Variants in FARP2 observed in about 807,000 individuals in gnomAD.
FARP2 encodes FERM, ARH/RhoGEF and pleckstrin domain protein 2.
FARP2 carries 111 observed loss-of-function variants against 130.5 expected under a neutral mutation model. The ratio of observed to expected loss-of-function variants is 0.85; its 90% CI spans 0.73 to 1.00. The LOEUF is 1.00. Among genes scored for constraint, FARP2 ranks in the 50% least tolerant of loss-of-function variants. The pLI, the probability that FARP2 is intolerant of heterozygous loss-of-function variation, is 0.00. For missense variants in FARP2, 1,385 were observed against 1,346.3 expected, an observed-to-expected ratio of 1.03 and a Z score of -0.45; for synonymous variants, 504 against 516.9, an observed-to-expected ratio of 0.98 and a Z score of 0.34.
rs2062583292 is a variant in FARP2, at chr2:241,413,557, A to G, written c.623+136A>G. ...CATTGCTCCTGGCCTCAGGATGTGC[A>G]GCTGCTGCCAGAGGCAGCTTGGCAG... On this transcript the variant is annotated intron_variant, in intron 7 of 26. Coordinates refer to ENST00000264042, the MANE Select transcript of FARP2 (RefSeq NM_014808.4). 3 of 657,812 alleles carry G rather than the reference A, an allele frequency of 4.6e-6. No homozygotes were observed. In the South Asian group the frequency reaches 5.8e-5, roughly 13 times the overall value. The allele number at this position is 657,812 out of a possible 1,614,324, so 40.7% of individuals were successfully genotyped here. A position where few individuals can be genotyped will look rare whatever the true frequency, so the allele number is the denominator to read the frequency against.
chr2:241,428,311 T>C (rs1195143717), intron 8 of FARP2, among the ~76,000 whole-genome samples: 2 of 149,168 alleles, frequency 1.3e-5, no homozygotes, highest in East Asian at 4.0e-4. Context: ...CTCTGCTCAC[T>C]GCAACCTGCG....
In FARP2 at chr2:241,367,174, C is replaced by T. The variant is rs552548168; in HGVS notation, c.-24-5910C>T. Reference sequence around the variant, plus strand: ...CTGGAGAAGTGTGTGCAGATGAGTTCTGCAGCACCCTTCTCCCCAAGCTTC... The same window carrying T: ...CTGGAGAAGTGTGTGCAGATGAGTTTTGCAGCACCCTTCTCCCCAAGCTTC... On this transcript the variant is annotated intron_variant, in intron 1 of 26. Coordinates refer to ENST00000264042, the MANE Select transcript of FARP2 (RefSeq NM_014808.4). Among the ~76,000 whole-genome samples the T allele has an allele frequency of 1.6e-3, 243 of 152,220 alleles. 6 individuals carry two copies. The highest frequency in any genetic ancestry group is 5.7e-3 in the African/African-American group (235 of 41,478).
intron 14 of FARP2, among the ~76,000 whole-genome samples, chr2:241,462,007 C>T (rs62190404): frequency 0.2 from 29,854 of 152,194 alleles, 3,324 homozygotes; most frequent in East Asian, 0.4. Context: ...CAGAGATAGC[C>T]CTGCCAGCTA....
At chr2:241,395,498 A>G (rs943229558) in intron 2 of FARP2, 3 of 152,224 alleles carry the variant, frequency 2.0e-5, no homozygotes, top group African/African-American at 7.2e-5. Flanking sequence ...CTTGGAAACC[A>G]TGCATTTATG....
At chr2:241,469,232 G>A (rs1198229870) in intron 18 of FARP2, among the ~76,000 whole-genome samples, 4 of 151,832 alleles carry the variant, frequency 2.6e-5, no homozygotes, top group African/African-American at 2.4e-5. Context: ...TATTACAGGC[G>A]CCCGCCACCA....
chr2:241,366,138 T>TATATATATACGTATATATATAC (rs1491421503), intron 1 of FARP2, among the ~76,000 whole-genome samples: 1 of 138,442 alleles, frequency 7.2e-6, no homozygotes, highest in African/African-American at 2.6e-5. Flanking sequence ...TATATATATA[T>TATATATATACGTATATATATAC]ACACACACAC....
chr2:241,494,109 G>C lies in FARP2; in HGVS notation c.3149G>C (p.Arg1050Thr), dbSNP rs2065038176. Residue 1050 changes from arginine to threonine, a missense_variant, in exon 27 of 27, where the codon AGG becomes ACG. Transcript: ENST00000264042. The surrounding 1 kb of genome is among the most constrained non-coding windows in gnomAD (Gnocchi z 4.9). ...QPSSGLEGMV[R>T]GKEE ...TCCTCAGGGCTGGAGGGGATGGTCAGGGGGAAGGAGGAATGACGCTCAACC... is the reference window on the plus strand; with the variant it reads ...TCCTCAGGGCTGGAGGGGATGGTCACGGGGAAGGAGGAATGACGCTCAACC... The C allele has an allele frequency of 2.0e-6, 3 of 1,478,668 alleles. No individual in the cohort carries two copies. Among genetic ancestry groups the C allele is most frequent in the Middle Eastern group, 1.8e-4 (1 of 5,660 alleles). The allele number at this position is 1,478,668 out of a possible 1,614,324, so 91.6% of individuals were successfully genotyped here. A position where few individuals can be genotyped will look rare whatever the true frequency, so the allele number is the denominator to read the frequency against.
At chr2:241,470,618 C>T (rs2064280932) in intron 18 of FARP2, among the ~76,000 whole-genome samples, 1 of 151,166 alleles carries the variant, frequency 6.6e-6, no homozygotes, top group African/African-American at 2.4e-5. Context: ...GAGGGGGACC[C>T]TTTTTTGAGG....
intron 6 of FARP2, among the ~76,000 whole-genome samples, chr2:241,412,381 A>G (rs1227556844): frequency 3.3e-5 from 5 of 152,202 alleles, no homozygotes; most frequent in African/African-American, 1.2e-4. Flanking sequence ...GCCAAACCGT[A>G]TCAAATGTCA....
intron 2 of FARP2, among the ~76,000 whole-genome samples, chr2:241,393,023 TTC>T (rs1018774587): frequency 4.6e-5 from 7 of 151,656 alleles, no homozygotes; most frequent in African/African-American, 1.7e-4. Flanking sequence ...GTTCTTTTTT[TTC>T]TCTCTCTTTT....
intron 14 of FARP2, among the ~76,000 whole-genome samples, chr2:241,457,470 CGCTTTGGGTTCCGG>C (rs2063886038): frequency 1.1e-5 from 1 of 87,414 alleles, no homozygotes; most frequent in Admixed American, 9.8e-5. Flanking sequence ...CACTAGGGAC[CGCTTTGGGTTCCGG>C]AGAGGCTCTT....
In FARP2 at chr2:241,434,236, T is replaced by G; in HGVS notation, c.946T>G (p.Tyr316Asp). The G allele has an allele frequency of 6.2e-7, 1 of 1,613,656 alleles. No individual in the cohort carries two copies. The highest frequency in any genetic ancestry group is 8.5e-7 in the Non-Finnish European group (1 of 1,179,668). Reference sequence around the variant, plus strand: ...GAACTTCTGGAAGATTTGTGTGGAGTATCACACCTTTTTTAGACTTTTGGA... The same window carrying G: ...GAACTTCTGGAAGATTTGTGTGGAGGATCACACCTTTTTTAGACTTTTGGA... Reference protein sequence around the residue: ...CKNFWKICVEYHTFFRLLDQP... With the variant: ...CKNFWKICVEDHTFFRLLDQP... The change falls in exon 10 of 27, where the codon TAT (tyrosine) becomes GAT (aspartate). Residue 316 changes from tyrosine to aspartate, a missense_variant. Transcript: ENST00000264042.
Position 241,455,166 on chromosome 2 carries a change from G to C in FARP2, c.1412-1581G>C, listed in dbSNP as rs377637645. Among the ~76,000 whole-genome samples, 4 of 152,344 alleles carry C rather than the reference G, an allele frequency of 2.6e-5. No homozygotes were observed. In the East Asian group the frequency reaches 7.7e-4, roughly 29 times the overall value. On this transcript the variant is annotated intron_variant, in intron 13 of 26. Transcript: ENST00000264042. Reference sequence around the variant, plus strand: ...CTGGTCACTATAAGCAACTGCATCTGAAGGTGCCAACAGTAGTGTGAGAGA... The same window carrying C: ...CTGGTCACTATAAGCAACTGCATCTCAAGGTGCCAACAGTAGTGTGAGAGA...
chr2:241,413,767 A>AC (rs1178670324), intron 7 of FARP2, among the ~76,000 whole-genome samples: 1 of 152,042 alleles, frequency 6.6e-6, no homozygotes, highest in Non-Finnish European at 1.5e-5. Flanking sequence ...ACATAGTGAG[A>AC]CCCCATCTCT....
At chr2:241,431,827 TTTA>T in intron 9 of FARP2, 53 bp downstream of exon 9, 2 of 667,658 alleles carry the variant, frequency 3.0e-6, no homozygotes. Context: ...TATTTATTTA[TTTA>T]TTTTTTTGAG....
chr2:241,479,522 C>T (rs575236622), intron 19 of FARP2, among the ~76,000 whole-genome samples: 77 of 152,372 alleles, frequency 5.1e-4, no homozygotes, highest in African/African-American at 1.7e-3. Context: ...TTCTGAGTGC[C>T]GTTTCAAGGC....
intron 2 of FARP2, among the ~76,000 whole-genome samples, chr2:241,401,562 T>G (rs1203053640): frequency 6.6e-6 from 1 of 152,162 alleles, no homozygotes; most frequent in Non-Finnish European, 1.5e-5. Flanking sequence ...AGACAGGGTC[T>G]CTGTTGTGCC....
In FARP2 at chr2:241,364,940, G is replaced by A. The variant is rs114324297; in HGVS notation, c.-24-8144G>A. On this transcript the variant is annotated intron_variant, in intron 1 of 26. Transcript: ENST00000264042. Reference sequence around the variant, plus strand: ...GAAGAATTTGCACTGTAATCTGTTGGACTGGGAGCCATGCCGGATATTAGT... The same window carrying A: ...GAAGAATTTGCACTGTAATCTGTTGAACTGGGAGCCATGCCGGATATTAGT... Among the ~76,000 whole-genome samples, 502 of 152,158 alleles carry A rather than the reference G, an allele frequency of 3.3e-3. 1 individual carries two copies. Among genetic ancestry groups the A allele is most frequent in the African/African-American group, 0.012 (489 of 41,506 alleles).
intron 13 of FARP2, among the ~76,000 whole-genome samples, chr2:241,449,570 A>G (rs1458265237): frequency 1.3e-5 from 2 of 152,266 alleles, no homozygotes; most frequent in Non-Finnish European, 2.9e-5. Flanking sequence ...TTAGATGAAT[A>G]AAAACAGTGT....
Sources: allele counts gnomAD v4.1 joint callset (sites outside exome capture counted in the v4.1 genomes callset), GRCh38; gene constraint gnomAD v4.1.1; non-coding constraint Gnocchi (gnomAD v3.1); transcripts MANE v1.5; gene names NCBI Gene and HGNC (gene_info 2026-07-23, HGNC 2026-07-21).